CASQ2: variants seen among roughly 807,000 people sequenced by gnomAD.
The protein encoded by CASQ2 is calsequestrin 2, also known as calsequestrin-2.
A neutral mutation model predicts 46.5 loss-of-function variants in CASQ2; 49 were observed. The ratio of observed to expected loss-of-function variants is 1.05; its 90% confidence interval spans 0.84 to 1.34. CASQ2 has a LOEUF of 1.34. CASQ2 is among the 40% of genes most tolerant of loss of function. CASQ2 has a pLI of 0.00. For missense variants in CASQ2, 486 were observed against 481.3 expected, an observed-to-expected ratio of 1.01 and a Z score of -0.09; for synonymous variants, 174 against 168.5, an observed-to-expected ratio of 1.03 and a Z score of -0.25.
rs555419847 is a variant in CASQ2, at chr1:115,738,430, T to C, written c.421-95A>G. On this transcript the variant is annotated intron_variant, in intron 3 of 10. Transcript: ENST00000261448. The stretch of plus-strand genomic sequence containing the variant: ...GCATTGGAGGGAAGTTGTAGCGGAC[T>C]TTGTGGTTGGTGCCTCAAATATCTA... 30 of 852,696 alleles carry C rather than the reference T, an allele frequency of 3.5e-5. No individual in the cohort carries two copies. In the East Asian group the frequency reaches 7.2e-4, roughly 21 times the overall value. The allele number at this position is 852,696 out of a possible 1,614,324, so 52.8% of individuals were successfully genotyped here.
At chr1:115,727,541 C>T (rs1197458485) in intron 5 of CASQ2, among the ~76,000 whole-genome samples, 3 of 152,184 alleles carry the variant, frequency 2.0e-5, no homozygotes, top group Non-Finnish European at 4.4e-5. Flanking sequence ...GATGGAGATC[C>T]TTAAGGCATA....
Position 115,768,526 on chromosome 1 carries a change from A to T in CASQ2, c.16T>A (p.Leu6Met). Residue 6 changes from leucine (L) to methionine (M), a missense_variant, in exon 1 of 11, where the codon TTG becomes ATG. Transcript: ENST00000261448. Reference protein sequence around the residue: MKRTHLFIVGIYFLSS... With the variant: MKRTHMFIVGIYFLSS... ...AGAAAATAAATCCCCACAATAAACA[A>T]GTGAGTTCTCTTCATTTGGGAAAAC... is the stretch of plus-strand genomic sequence containing the variant. 3 of 1,611,416 alleles carry T rather than the reference A, an allele frequency of 1.9e-6. No individual in the cohort carries two copies. Among genetic ancestry groups the T allele is most frequent in the Non-Finnish European group, 2.5e-6 (3 of 1,177,594 alleles).
intron 5 of CASQ2, 39 bp downstream of exon 5, chr1:115,732,862 C>T (rs1156816939): frequency 5.6e-6 from 8 of 1,436,914 alleles, no homozygotes; most frequent in Non-Finnish European, 7.9e-6. Flanking sequence ...TTCTTCATGC[C>T]TACAAAACTG....
At chr1:115,714,973 A>G (rs1654653794) in intron 8 of CASQ2, among the ~76,000 whole-genome samples, 1 of 152,232 alleles carries the variant, frequency 6.6e-6, no homozygotes, top group Non-Finnish European at 1.5e-5. Context: ...AATCTCGGTC[A>G]AACAGGTTCT....
At chr1:115,719,198 C>T (rs1217760374) in intron 7 of CASQ2, among the ~76,000 whole-genome samples, 1 of 152,130 alleles carries the variant, frequency 6.6e-6, no homozygotes, top group Non-Finnish European at 1.5e-5. Context: ...TGGGCACTGC[C>T]TTGGTCAGAT....
At chr1:115,739,465 G>T (rs923791210) in intron 3 of CASQ2, among the ~76,000 whole-genome samples, 6 of 152,082 alleles carry the variant, frequency 3.9e-5, no homozygotes, top group Non-Finnish European at 8.8e-5. Context: ...CATTTAGGTG[G>T]ATTTCATAAC....
intron 1 of CASQ2, among the ~76,000 whole-genome samples, chr1:115,755,659 C>T (rs1031694413): frequency 5.3e-5 from 8 of 152,188 alleles, no homozygotes; most frequent in African/African-American, 1.9e-4. Context: ...GGATAACTAA[C>T]TTGAGTGGAG....
chr1:115,749,911 C>T (rs537444425), intron 1 of CASQ2, among the ~76,000 whole-genome samples: 8 of 152,368 alleles, frequency 5.3e-5, no homozygotes, highest in Admixed American at 3.9e-4. Context: ...TCTTTCACCC[C>T]ATTCTCCTCT....
At chr1:115,760,779 A>G (rs1326514299) in intron 1 of CASQ2, among the ~76,000 whole-genome samples, 2 of 152,222 alleles carry the variant, frequency 1.3e-5, no homozygotes. Context: ...GAACTACTAC[A>G]ATCGACTAAG....
At position 115,702,992 on chromosome 1, in the gene CASQ2, C is replaced by A; in HGVS notation, c.943G>T (p.Val315Phe). ...WIDPDDFPLL[V>F]AYWEKTFKID... ...TTGAAAGTCTTCTCCCAGTAGGCAA[C>A]GAGCTGCAGCAACAAAAAAATAAGA... Residue 315 changes from valine to phenylalanine, a missense_variant, in exon 10 of 11, where the codon GTT (valine) becomes TTT (phenylalanine). By Grantham distance (50) the Val-to-Phe change is conservative. Coordinates refer to ENST00000261448, the MANE Select transcript of CASQ2 (RefSeq NM_001232.4). 1 of 1,612,178 alleles carries A rather than the reference C, an allele frequency of 6.2e-7. No individual in the cohort carries two copies. Among genetic ancestry groups the A allele is most frequent in the Non-Finnish European group, 8.5e-7 (1 of 1,179,074 alleles).
At chr1:115,754,724 G>GGCT (rs1303832017) in intron 1 of CASQ2, among the ~76,000 whole-genome samples, 1 of 152,154 alleles carries the variant, frequency 6.6e-6, no homozygotes, top group Non-Finnish European at 1.5e-5. Context: ...CCCAAATCCT[G>GGCT]GCTTTGCAAC....
chr1:115,719,784 G>A (rs1430233524), intron 7 of CASQ2, among the ~76,000 whole-genome samples: 1 of 152,166 alleles, frequency 6.6e-6, no homozygotes, highest in Non-Finnish European at 1.5e-5. Context: ...TCAGGGCTGA[G>A]AACCCCCGGG....
intron 1 of CASQ2, among the ~76,000 whole-genome samples, chr1:115,756,110 A>G (rs143287734): frequency 1.3e-5 from 2 of 152,276 alleles, no homozygotes; most frequent in Non-Finnish European, 2.9e-5. Flanking sequence ...CATGTGAGGG[A>G]GTACCTGTTG....
At chr1:115,761,443 AAGAAGAAGAAGAAGAAGAAGG>A (rs1557806622) in intron 1 of CASQ2, among the ~76,000 whole-genome samples, 1 of 12,136 alleles carries the variant, frequency 8.2e-5, no homozygotes, top group Non-Finnish European at 1.5e-4. Context: ...AAGAAGAAAG[AAGAAGAAGAAGAAGAAGAAGG>A]AGAAGAAGAA....
intron 4 of CASQ2, among the ~76,000 whole-genome samples, chr1:115,736,089 G>T (rs1647946856): frequency 6.6e-6 from 1 of 151,304 alleles, no homozygotes; most frequent in African/African-American, 2.4e-5. Context: ...CTTGAACCCG[G>T]GAGGCAGAGG....
At position 115,768,461 on chromosome 1, in the gene CASQ2, T is replaced by C; in HGVS notation, c.81A>G (p.Thr27=). 3.1e-6 allele frequency: 5 copies of C among 1,613,874 alleles called. No homozygotes were observed. The highest frequency in any genetic ancestry group is 4.2e-6 in the Non-Finnish European group (5 of 1,179,698). ...CRAEEGLNFP[T]YDGKDRVVSL... is the part of the protein sequence containing the mutation. ...TTACCACTCGGTCCTTCCCATCATA[T>C]GTGGGGAAATTAAGCCCCTCTTCTG... Residue 27 remains threonine, a synonymous_variant, in exon 1 of 11, where the codon ACA becomes ACG. Transcript: ENST00000261448.
At chr1:115,728,930 C>A (rs1050734557) in intron 5 of CASQ2, among the ~76,000 whole-genome samples, 13 of 150,514 alleles carry the variant, frequency 8.6e-5, no homozygotes, top group African/African-American at 3.2e-4. Flanking sequence ...TAATTTAAGT[C>A]TTGGAAATGC....
chr1:115,749,582 T>A (rs1304677448), intron 1 of CASQ2, among the ~76,000 whole-genome samples: 1 of 152,090 alleles, frequency 6.6e-6, no homozygotes, highest in Non-Finnish European at 1.5e-5. Flanking sequence ...CACTCTTGCC[T>A]CCCACGCTGA....
At chr1:115,731,197 A>G (rs1417022686) in intron 5 of CASQ2, among the ~76,000 whole-genome samples, 1 of 152,226 alleles carries the variant, frequency 6.6e-6, no homozygotes, top group African/African-American at 2.4e-5. Context: ...TGAATTTTTA[A>G]TCATAGCCTG....
Sources: gnomAD v4.1 joint callset for allele counts (sites outside exome capture counted in the v4.1 genomes callset) on GRCh38, gnomAD v4.1.1 for gene constraint, MANE v1.5 for transcripts, NCBI Gene and HGNC (gene_info 2026-07-23, HGNC 2026-07-21) for gene names.